The following LRRK1 variants were observed in gnomAD, a reference collection of about 807,000 sequenced individuals.
LRRK1 encodes leucine rich repeat kinase 1.
In LRRK1, 113 loss-of-function variants were observed where a neutral mutation model predicts 209.1. The ratio of observed to expected loss-of-function variants is 0.54; its 90% CI spans 0.46 to 0.63. LRRK1 has a LOEUF of 0.63. Among genes scored for constraint, LRRK1 ranks in the 30% least tolerant of loss-of-function variants. LRRK1 has a pLI of 0.00. For synonymous variants in LRRK1, 1,144 were observed against 1,099.7 expected, an observed-to-expected ratio of 1.04 and a Z score of -0.80; for missense variants, 2,284 against 2,632.2, an observed-to-expected ratio of 0.87 and a Z score of 2.89.
At position 101,024,305 on chromosome 15, in the gene LRRK1, A is replaced by G. The variant is rs759336661; in HGVS notation, c.2068-498A>G. Reference sequence around the variant, plus strand: ...CAATGATAGAGAAACCACCGTTTACACAGCCGTTCCCGGCAGCCCAACAGC... The same window carrying G: ...CAATGATAGAGAAACCACCGTTTACGCAGCCGTTCCCGGCAGCCCAACAGC... On this transcript the variant is annotated intron_variant, in intron 15 of 33. Coordinates refer to ENST00000388948, the MANE Select transcript of LRRK1 (RefSeq NM_024652.6). This position sits in a 1 kb window ranked among gnomAD's most constrained non-coding sequence, Gnocchi z 4.6. 6.6e-6 allele frequency among the ~76,000 whole-genome samples: 1 copy of G among 152,240 alleles called. No homozygotes were observed. Among genetic ancestry groups the G allele is most frequent in the Non-Finnish European group, 1.5e-5 (1 of 68,050 alleles).
At chr15:101,009,875 C>T (rs920388205) in intron 7 of LRRK1, among the ~76,000 whole-genome samples, 2 of 152,166 alleles carry the variant, frequency 1.3e-5, no homozygotes, top group Admixed American at 6.5e-5. Context: ...CATGAGCCAC[C>T]GCACCTGGCC....
At chr15:100,927,169 C>T (rs537621936) in intron 2 of LRRK1, among the ~76,000 whole-genome samples, 38 of 152,268 alleles carry the variant, frequency 2.5e-4, no homozygotes, top group Non-Finnish European at 4.1e-4. Flanking sequence ...AGACAGCCTG[C>T]GTTTCTAGGT....
chr15:101,069,158 T>G lies in LRRK1; in HGVS notation c.*310T>G. The stretch of plus-strand genomic sequence containing the variant: ...CCCCATCAGTTTGCAGGAGCAGGGG[T>G]GCAGGATCCTGTTCTGAGCTGGGTC... On this transcript the variant is annotated 3_prime_UTR_variant, in exon 34 of 34. Transcript: ENST00000388948. 3 of 243,654 alleles carry G rather than the reference T, an allele frequency of 1.2e-5. No individual in the cohort carries two copies. The highest frequency in any genetic ancestry group is 1.3e-3 in the Middle Eastern group (1 of 772). 15.1% of individuals were successfully genotyped at this position (243,654 alleles called of 1,614,324 possible). A position where few individuals can be genotyped will look rare whatever the true frequency, so the allele number is the denominator to read the frequency against.
rs2036703513 is a variant in LRRK1 at position 101,069,442 on chromosome 15, G to C, written c.*594G>C. On this transcript the variant is annotated 3_prime_UTR_variant, in exon 34 of 34. Coordinates refer to ENST00000388948, the MANE Select transcript of LRRK1 (RefSeq NM_024652.6). ...GTGGGAAAGCCCTTGGGGGATCCCG[G>C]GTGAGGAGTGTTGCCCCATCCAGAG... is the stretch of plus-strand genomic sequence containing the variant. 6.6e-6 allele frequency: 1 copy of C among 152,476 alleles called. No homozygotes were observed. Among genetic ancestry groups the C allele is most frequent in the Non-Finnish European group, 1.5e-5 (1 of 68,160 alleles). The allele number at this position is 152,476 out of a possible 1,614,324, so 9.4% of individuals were successfully genotyped here.
Position 101,027,476 on chromosome 15 carries a change from T to G in LRRK1, c.2526+95T>G. 1 of 1,543,512 alleles carries G rather than the reference T, an allele frequency of 6.5e-7. No individual in the cohort carries two copies. Among genetic ancestry groups the G allele is most frequent in the East Asian group, 2.3e-5 (1 of 43,758 alleles). On this transcript the variant is annotated intron_variant, in intron 18 of 33. Transcript: ENST00000388948. This position sits in a 1 kb window ranked among gnomAD's most constrained non-coding sequence, Gnocchi z 5.1. The stretch of plus-strand genomic sequence containing the variant: ...CTCTCTCCTGTGAAGCCCATGTCTG[T>G]GTGGCAAGGCTCGGTGGTTCCTGGT...
At chr15:100,945,915 C>G (rs1175687137) in intron 2 of LRRK1, among the ~76,000 whole-genome samples, 1 of 152,100 alleles carries the variant, frequency 6.6e-6, no homozygotes, top group Non-Finnish European at 1.5e-5. Flanking sequence ...CTATCAAGAT[C>G]TATCTAAGAA....
chr15:100,941,216 ATGTGTCTGTGTG>A (rs1567190457), intron 2 of LRRK1, among the ~76,000 whole-genome samples: 2 of 99,882 alleles, frequency 2.0e-5, no homozygotes, highest in South Asian at 3.2e-4. Context: ...GTGTGTCTGT[ATGTGTCTGTGTG>A]TGTGTCTGTG....
Position 101,066,333 on chromosome 15 carries a change from G to A in LRRK1, c.5768+128G>A, listed in dbSNP as rs1237758806. 6 of 1,325,524 alleles carry A rather than the reference G, an allele frequency of 4.5e-6. No homozygotes were observed. The East Asian group carries it at 1.2e-4, about 26-fold the overall frequency. The allele number at this position is 1,325,524 out of a possible 1,614,324, so 82.1% of individuals were successfully genotyped here. ...GGAGGCAGGTGCTGTTCTTCCAAGA[G>A]GGTTGGTTTCCTCCATTGGGAATGG... On this transcript the variant is annotated intron_variant, in intron 32 of 33. Coordinates refer to ENST00000388948, the MANE Select transcript of LRRK1 (RefSeq NM_024652.6).
intron 2 of LRRK1, among the ~76,000 whole-genome samples, chr15:100,950,144 C>G (rs2042617266): frequency 6.6e-6 from 1 of 152,196 alleles, no homozygotes; most frequent in African/African-American, 2.4e-5. Flanking sequence ...AATAGTTCAG[C>G]AAATTTGCAG....
chr15:100,959,741 T>C (rs1481626404), intron 2 of LRRK1, among the ~76,000 whole-genome samples: 1 of 152,202 alleles, frequency 6.6e-6, no homozygotes, highest in Non-Finnish European at 1.5e-5. Flanking sequence ...CCATTTTCTT[T>C]TACAAGAAGA....
At chr15:101,053,451 G>A (rs766779531) in intron 26 of LRRK1, 31 bp downstream of exon 26, 213 of 1,536,378 alleles carry the variant, frequency 1.4e-4, no homozygotes, top group Non-Finnish European at 1.7e-4. Context: ...ACCCGGCCCC[G>A]GAGACCGACA....
At chr15:101,050,106 G>A (rs2035322820) in intron 23 of LRRK1, among the ~76,000 whole-genome samples, 2 of 152,322 alleles carry the variant, frequency 1.3e-5, no homozygotes, top group South Asian at 2.1e-4. Flanking sequence ...GAGCTCACAC[G>A]TGTCTTGTTT....
chr15:100,930,514 C>T (rs1354356005), intron 2 of LRRK1, among the ~76,000 whole-genome samples: 2 of 152,220 alleles, frequency 1.3e-5, no homozygotes, highest in East Asian at 3.8e-4. Flanking sequence ...CCAGTCCTCA[C>T]CCCCTCCCTG....
intron 2 of LRRK1, among the ~76,000 whole-genome samples, chr15:100,937,594 G>C (rs1287821732): frequency 1.3e-5 from 2 of 151,652 alleles, no homozygotes; most frequent in Admixed American, 1.3e-4. Context: ...GAGTGCAGTG[G>C]CGCGATCTCA....
At chr15:100,984,614 A>G (rs2031775213) in intron 4 of LRRK1, among the ~76,000 whole-genome samples, 1 of 151,960 alleles carries the variant, frequency 6.6e-6, no homozygotes, top group African/African-American at 2.4e-5. Flanking sequence ...TCTTTCCCAT[A>G]GCGATATGCA....
intron 6 of LRRK1, among the ~76,000 whole-genome samples, chr15:101,004,105 TG>T (rs2032830093): frequency 6.6e-6 from 1 of 152,242 alleles, no homozygotes; most frequent in African/African-American, 2.4e-5. Context: ...CGAATTCCCC[TG>T]CCCTGGGAGT....
chr15:101,028,202 C>T (rs933677943), intron 19 of LRRK1, among the ~76,000 whole-genome samples: 4 of 152,224 alleles, frequency 2.6e-5, no homozygotes, highest in Non-Finnish European at 4.4e-5. Context: ...GCGTTGGGCT[C>T]CTGCGAGCCT....
intron 20 of LRRK1, among the ~76,000 whole-genome samples, chr15:101,034,814 T>C (rs2034431014): frequency 6.6e-6 from 1 of 152,080 alleles, no homozygotes; most frequent in Admixed American, 6.5e-5. Context: ...TGATTAACTT[T>C]GGGTAAGGTT....
chr15:101,064,643 TG>T, intron 31 of LRRK1: 1 of 152,926 alleles, frequency 6.5e-6, no homozygotes, highest in South Asian at 2.1e-4. Context: ...TCTCGATAGA[TG>T]TAAGCTGGGA....
Sources: gnomAD v4.1 joint callset for allele counts (sites outside exome capture counted in the v4.1 genomes callset) on GRCh38, gnomAD v4.1.1 for gene constraint, Gnocchi (gnomAD v3.1) non-coding constraint, MANE v1.5 for transcripts, NCBI Gene and HGNC (gene_info 2026-07-23, HGNC 2026-07-21) for gene names.